SAFB2: variants seen among roughly 807,000 people sequenced by gnomAD.
The protein encoded by SAFB2 is scaffold attachment factor B2.
A neutral mutation model predicts 100.6 loss-of-function variants in SAFB2; 32 were observed. That is an observed-to-expected ratio of 0.32 (90% CI 0.24 to 0.43). The LOEUF is 0.43. Ranked by LOEUF, SAFB2 falls within the 20% of genes least tolerant of loss-of-function variation. The probability of loss-of-function intolerance (pLI) is 1.00; values close to 1 mark genes in which losing one functional copy is unlikely to be tolerated. For missense variants in SAFB2, 1,185 were observed against 1,163.4 expected, an observed-to-expected ratio of 1.02 and a Z score of -0.27; for synonymous variants, 500 against 439.4, an observed-to-expected ratio of 1.14 and a Z score of -1.72.
intron 9 of SAFB2, among the ~76,000 whole-genome samples, chr19:5,609,789 C>A (rs1015700683): frequency 6.6e-6 from 1 of 152,182 alleles, no homozygotes; most frequent in East Asian, 1.9e-4. Context: ...CAAGACTGGG[C>A]GAGCTTCGCT....
At chr19:5,603,029 T>C (rs1235678394) in intron 11 of SAFB2, among the ~76,000 whole-genome samples, 1 of 151,712 alleles carries the variant, frequency 6.6e-6, no homozygotes, top group East Asian at 1.9e-4. Context: ...CAGTCTTTTG[T>C]GGGGCCAAGG....
chr19:5,610,268 G>T, intron 8 of SAFB2, 173 bp from the exon 9 acceptor site: 1 of 610,482 alleles, frequency 1.6e-6, no homozygotes, highest in Non-Finnish European at 2.9e-6. Flanking sequence ...AATCTGGACA[G>T]CAAAAACTGA....
Position 5,587,065 on chromosome 19 carries a change from G to C in SAFB2, c.*178C>G. 2.5e-6 allele frequency: 2 copies of C among 797,658 alleles called. No homozygotes were observed. Among genetic ancestry groups the C allele is most frequent in the South Asian group, 2.1e-5 (1 of 48,046 alleles). 49.4% of individuals were successfully genotyped at this position (797,658 alleles called of 1,614,324 possible). A position where few individuals can be genotyped will look rare whatever the true frequency, so the allele number is the denominator to read the frequency against. On this transcript the variant is annotated 3_prime_UTR_variant, in exon 21 of 21. Coordinates refer to ENST00000252542, the MANE Select transcript of SAFB2 (RefSeq NM_014649.3). This position sits in a 1 kb window ranked among gnomAD's most constrained non-coding sequence, Gnocchi z 4.9. The stretch of plus-strand genomic sequence containing the variant: ...TTAACAGAAACCTTGATTTAAAAAT[G>C]GCAGAACAAGAACACATTTATTTAA...
At position 5,616,406 on chromosome 19, in the gene SAFB2, C is replaced by T. The variant is rs1200692055; in HGVS notation, c.339+16G>A. The T allele has an allele frequency of 6.2e-7, 1 of 1,614,000 alleles. No individual in the cohort carries two copies. The highest frequency in any genetic ancestry group is 1.6e-4 in the Middle Eastern group (1 of 6,062). ...AGGGAGCTGCTGCTTGTCATCTCTA[C>T]CCTGACATCACTTACCTGCCCGTCT... On this transcript the variant is annotated intron_variant, in intron 3 of 20. Transcript: ENST00000252542.
intron 16 of SAFB2, among the ~76,000 whole-genome samples, chr19:5,592,373 G>A (rs1010343348): frequency 1.3e-5 from 2 of 152,092 alleles, no homozygotes; most frequent in African/African-American, 4.8e-5. Context: ...ATACAAAACA[G>A]GCCTCATGAG....
chr19:5,591,789 C>G lies in SAFB2; in HGVS notation c.2353G>C (p.Glu785Gln). 1 of 1,614,074 alleles carries G rather than the reference C, an allele frequency of 6.2e-7. No individual in the cohort carries two copies. Among genetic ancestry groups the G allele is most frequent in the Middle Eastern group, 1.6e-4 (1 of 6,062 alleles). ...TCTCCCATCATTGGCCTCGAACCCT[C>G]CCGCCTGCAAAAGGAAAAGATCCCG... The part of the protein sequence containing the change: ...QYQDHAIDRR[E>Q]GSRPMMGDHR... Residue 785 changes from glutamate to glutamine, a missense_variant, in exon 17 of 21, where the codon GAG becomes CAG. Coordinates refer to ENST00000252542, the MANE Select transcript of SAFB2 (RefSeq NM_014649.3).
intron 17 of SAFB2, chr19:5,591,196 G>A (rs1275167140): frequency 6.6e-6 from 1 of 152,174 alleles, no homozygotes; most frequent in Non-Finnish European, 1.5e-5. Flanking sequence ...GTTTCTACCG[G>A]ATACAATGAA....
rs971589876 is a variant in SAFB2 at position 5,603,541 on chromosome 19, C to T, written c.1559+1042G>A. On this transcript the variant is annotated intron_variant, in intron 11 of 20. Coordinates refer to ENST00000252542, the MANE Select transcript of SAFB2 (RefSeq NM_014649.3). The stretch of plus-strand genomic sequence containing the variant: ...CCACACCTCCCTTGAAAGATCTGTC[C>T]CTACCTCCATTTTGATTAAAGATAT... 2.0e-5 allele frequency among the ~76,000 whole-genome samples: 3 copies of T among 152,298 alleles called. No individual in the cohort carries two copies. The East Asian group carries it at 5.8e-4, about 29-fold the overall frequency.
At chr19:5,610,177 A>T in intron 8 of SAFB2, 82 bp from the exon 9 acceptor site, 3 of 1,148,700 alleles carry the variant, frequency 2.6e-6, no homozygotes. Context: ...AGCCCTCTTT[A>T]AAAACCCTAA....
Position 5,604,637 on chromosome 19 carries a change from T to A in SAFB2, c.1505A>T (p.Lys502Met). ...TCTGTCGACACTCGATAATTTTTCC[T>A]TCTTCACTTCGCACTCTTTTCTGTC... ...LSDRKECEVK[K>M]EKLSSVDRHH... is the part of the protein sequence containing the mutation. The change falls in exon 11 of 21, where the codon AAG (lysine) becomes ATG (methionine). Residue 502 changes from lysine (K) to methionine (M), a missense_variant. Lys to Met is a moderately conservative substitution (Grantham distance 95). This residue lies in a region of SAFB2 where 740 missense variants were observed against 687.1 expected (regional missense o/e 1.08). Coordinates refer to ENST00000252542, the MANE Select transcript of SAFB2 (RefSeq NM_014649.3). The A allele has an allele frequency of 6.2e-7, 1 of 1,614,232 alleles. No homozygotes were observed. The highest frequency in any genetic ancestry group is 1.1e-5 in the South Asian group (1 of 91,084).
At chr19:5,612,402 C>A in intron 6 of SAFB2, 138 bp downstream of exon 6, 1 of 809,514 alleles carries the variant, frequency 1.2e-6, no homozygotes, top group South Asian at 1.5e-5. Flanking sequence ...GGTTTCCAAT[C>A]TCTGATCCTT....
In SAFB2 at chr19:5,598,850, A is replaced by C. The variant is rs2052590356; in HGVS notation, c.1725T>G (p.Asp575Glu). The C allele has an allele frequency of 6.2e-7, 1 of 1,613,982 alleles. No individual in the cohort carries two copies. Among genetic ancestry groups the C allele is most frequent in the Non-Finnish European group, 8.5e-7 (1 of 1,180,024 alleles). The change falls in exon 13 of 21, where the codon GAT (aspartate) becomes GAG (glutamate). Residue 575 changes from aspartate to glutamate, a missense_variant. Coordinates refer to ENST00000252542, the MANE Select transcript of SAFB2 (RefSeq NM_014649.3). ...SRGMERTVVMDKSKGEPVISV... is the reference protein window; with the variant it reads ...SRGMERTVVMEKSKGEPVISV... Reference sequence around the variant, plus strand: ...TAATGACGGGCTCTCCTTTCGATTTATCCATCACGACCGTCCGCTCCATTC... The same window carrying C: ...TAATGACGGGCTCTCCTTTCGATTTCTCCATCACGACCGTCCGCTCCATTC...
At chr19:5,609,454 A>C (rs753260821) in intron 9 of SAFB2, among the ~76,000 whole-genome samples, 2 of 151,960 alleles carry the variant, frequency 1.3e-5, no homozygotes, top group Non-Finnish European at 1.5e-5. Flanking sequence ...CAGGCACAGA[A>C]CACCACGGCT....
intron 18 of SAFB2, among the ~76,000 whole-genome samples, chr19:5,589,219 C>A (rs2052333939): frequency 6.6e-6 from 1 of 152,210 alleles, no homozygotes; most frequent in Non-Finnish European, 1.5e-5. Context: ...CGTTTACACT[C>A]CCGAGGTATT....
At chr19:5,592,636 A>C in intron 16 of SAFB2, 111 bp downstream of exon 16, 1 of 1,246,490 alleles carries the variant, frequency 8.0e-7, no homozygotes, top group African/African-American at 1.5e-5. Context: ...CTCAGAAGTA[A>C]ACGAGGCTTC....
Position 5,622,538 on chromosome 19 carries a change from G to C in SAFB2, c.178C>G (p.Leu60Val). ...GGNKSVLMER[L>V]KKAVKEEGQD... is the part of the protein sequence containing the mutation. Reference sequence around the variant, plus strand: ...GCCCCGCGCCGCCTCACCTTCTTGAGCCGCTCCATCAGGACGCTCTTGTTG... The same window carrying C: ...GCCCCGCGCCGCCTCACCTTCTTGACCCGCTCCATCAGGACGCTCTTGTTG... The change falls in exon 1 of 21, where the codon CTC becomes GTC. Residue 60 changes from leucine (L) to valine (V), a missense_variant. Around this residue, in one of 3 missense-constraint regions of SAFB2, gnomAD observed 351 missense variants for 341.2 expected, o/e 1.03. Coordinates refer to ENST00000252542, the MANE Select transcript of SAFB2 (RefSeq NM_014649.3). 6.2e-7 allele frequency: 1 copy of C among 1,611,970 alleles called. No individual in the cohort carries two copies. Among genetic ancestry groups the C allele is most frequent in the Non-Finnish European group, 8.5e-7 (1 of 1,179,254 alleles).
intron 13 of SAFB2, 128 bp from the exon 14 acceptor site, chr19:5,595,625 T>C: frequency 9.3e-6 from 11 of 1,181,012 alleles, no homozygotes; most frequent in Non-Finnish European, 1.3e-5. Flanking sequence ...GGCTGTGGTC[T>C]CCAGACCAGA....
In SAFB2 at chr19:5,618,120, G is replaced by C. The variant is rs575002020; in HGVS notation, c.275-1634C>G. On this transcript the variant is annotated intron_variant, in intron 2 of 20. Transcript: ENST00000252542. ...CCACTGCCCTCCGCTCTGGGCAACAGAGTAAGACCGAGTCTCTCTAACATA... is the reference window on the plus strand; with the variant it reads ...CCACTGCCCTCCGCTCTGGGCAACACAGTAAGACCGAGTCTCTCTAACATA... Among the ~76,000 whole-genome samples the C allele has an allele frequency of 1.6e-3, 243 of 152,314 alleles. 2 individuals are homozygous for C. The highest frequency in any genetic ancestry group is 3.0e-3 in the Non-Finnish European group (202 of 68,034).
chr19:5,594,062 C>A lies in SAFB2; in HGVS notation c.2036G>T (p.Arg679Leu). 6.3e-7 allele frequency: 1 copy of A among 1,589,442 alleles called. No individual in the cohort carries two copies. The highest frequency in any genetic ancestry group is 8.5e-7 in the Non-Finnish European group (1 of 1,173,482). The change falls in exon 15 of 21, where the codon CGG becomes CTG. Residue 679 changes from arginine to leucine, a missense_variant. Arg to Leu is a moderately radical substitution (Grantham distance 102). Coordinates refer to ENST00000252542, the MANE Select transcript of SAFB2 (RefSeq NM_014649.3). ...CAGCCGCTCCCGCTCCATGCGCTCCCGCTCCAGCCGCTGGCGCTGGCACTC... is the reference window on the plus strand; with the variant it reads ...CAGCCGCTCCCGCTCCATGCGCTCCAGCTCCAGCCGCTGGCGCTGGCACTC... Reference protein sequence around the residue: ...QLECQRQRLERERMERERLER... With the variant: ...QLECQRQRLELERMERERLER...
Sources: gnomAD v4.1 joint callset for allele counts (sites outside exome capture counted in the v4.1 genomes callset) on GRCh38, gnomAD v4.1.1 for gene constraint, gnomAD v4.1.1 regional missense constraint, Gnocchi (gnomAD v3.1) non-coding constraint, MANE v1.5 for transcripts, NCBI Gene and HGNC (gene_info 2026-07-23, HGNC 2026-07-21) for gene names.